ADCY6: variants seen among roughly 807,000 people sequenced by gnomAD.
ADCY6 encodes adenylate cyclase 6.
A neutral mutation model predicts 111.6 loss-of-function variants in ADCY6; 59 were observed. The observed-to-expected ratio is 0.53, with a 90% confidence interval of 0.43 to 0.66. The LOEUF is 0.66. ADCY6 is among the 30% of genes least tolerant of loss of function. The probability of loss-of-function intolerance (pLI) is 0.00; values close to 1 mark genes in which losing one functional copy is unlikely to be tolerated. For synonymous variants in ADCY6, 576 were observed against 642.9 expected, an observed-to-expected ratio of 0.90 and a Z score of 1.57; for missense variants, 1,242 against 1,595.6, an observed-to-expected ratio of 0.78 and a Z score of 3.78.
At position 48,773,538 on chromosome 12, in the gene ADCY6, A is replaced by C; in HGVS notation, c.2552T>G (p.Val851Gly). The part of the protein sequence containing the change: ...MIFVLGLIYL[V>G]LLLLGPPATI... ...GGCTGGGGGACCCAGCAGAAGCAGC[A>C]CCAAATAGATGAGCCCCAAGACAAA... Residue 851 changes from valine to glycine, a missense_variant, in exon 16 of 22, where the codon GTG becomes GGG. Val to Gly is a moderately radical substitution (Grantham distance 109). Transcript: ENST00000357869. The C allele has an allele frequency of 6.2e-7, 1 of 1,614,150 alleles. No homozygotes were observed. The highest frequency in any genetic ancestry group is 8.5e-7 in the Non-Finnish European group (1 of 1,179,998).
chr12:48,786,047 C>A (rs1315028930), intron 1 of ADCY6, among the ~76,000 whole-genome samples: 1 of 152,160 alleles, frequency 6.6e-6, no homozygotes, highest in African/African-American at 2.4e-5. Flanking sequence ...TGTGTCCCCA[C>A]CAGGGCCACA....
In ADCY6 at chr12:48,773,923, G is replaced by A. The variant is rs769662300; in HGVS notation, c.2442+17C>T. ...TGCCAGGACAGCCCCCCCACCGCCT[G>A]AGCACTGCTCGAACACCTCAGGAAA... On this transcript the variant is annotated intron_variant, in intron 15 of 21. Coordinates refer to ENST00000357869, the MANE Select transcript of ADCY6 (RefSeq NM_015270.5). The A allele has an allele frequency of 4.2e-5, 67 of 1,612,858 alleles. No homozygotes were observed. The highest frequency in any genetic ancestry group is 5.1e-5 in the Non-Finnish European group (60 of 1,179,486).
At chr12:48,787,166 C>T (rs1350003066) in intron 1 of ADCY6, among the ~76,000 whole-genome samples, 1 of 152,126 alleles carries the variant, frequency 6.6e-6, no homozygotes, top group Non-Finnish European at 1.5e-5. Flanking sequence ...GAGCAGGTTT[C>T]CCACCACCAT....
upstream of ADCY6, chr12:48,789,213 C>A: frequency 6.6e-6 from 1 of 152,352 alleles, no homozygotes; most frequent in Non-Finnish European, 1.5e-5. Context: ...GCCCACTCCC[C>A]TTCCTAGCAG....
intron 1 of ADCY6, among the ~76,000 whole-genome samples, chr12:48,788,200 C>A (rs991631634): frequency 6.6e-6 from 1 of 152,196 alleles, no homozygotes; most frequent in African/African-American, 2.4e-5. Flanking sequence ...CGCCTTCTCC[C>A]ATCCCCAGTC....
At chr12:48,787,657 C>G (rs1351350463) in intron 1 of ADCY6, among the ~76,000 whole-genome samples, 1 of 152,212 alleles carries the variant, frequency 6.6e-6, no homozygotes, top group Non-Finnish European at 1.5e-5. Context: ...CCTGGGAGCA[C>G]AGACCACCTC....
At position 48,782,736 on chromosome 12, in the gene ADCY6, G is replaced by A. The variant is rs1309583027; in HGVS notation, c.699C>T (p.Arg233=). The change falls in exon 2 of 22, where the codon CGC becomes CGT. Residue 233 remains arginine, a synonymous_variant. Coordinates refer to ENST00000357869, the MANE Select transcript of ADCY6 (RefSeq NM_015270.5). This position sits in a 1 kb window ranked among gnomAD's most constrained non-coding sequence, Gnocchi z 4.3. ...GGCACCAGAGGCCCGCAGAGGGGCT[G>A]CGCGGGTCTGCTGCGAGAGCGCCCC... The part of the protein sequence containing the change: ...QVGGALAADP[R]SPSAGLWCPV... 2 of 1,601,788 alleles carry A rather than the reference G, an allele frequency of 1.2e-6. No individual in the cohort carries two copies. The highest frequency in any genetic ancestry group is 2.2e-5 in the South Asian group (2 of 89,702).
chr12:48,775,644 C>T, intron 10 of ADCY6, 29 bp downstream of exon 10: 8 of 1,607,740 alleles, frequency 5.0e-6, no homozygotes, highest in Non-Finnish European at 6.8e-6. Flanking sequence ...GGTGCAAGTG[C>T]CTTCTCCCTC....
intron 16 of ADCY6, 54 bp downstream of exon 16, chr12:48,773,415 C>G: frequency 6.3e-7 from 1 of 1,577,052 alleles, no homozygotes; most frequent in African/African-American, 1.3e-5. Flanking sequence ...TCACAGTGAC[C>G]TAGAAAGGTG....
chr12:48,775,517 A>G, intron 10 of ADCY6, 67 bp from the exon 11 acceptor site: 1 of 1,600,364 alleles, frequency 6.2e-7, no homozygotes, highest in South Asian at 1.1e-5. Flanking sequence ...ATGAAAGGAA[A>G]GGTATGGACA....
At chr12:48,769,326 T>C (rs924291467) in intron 20 of ADCY6, among the ~76,000 whole-genome samples, 9 of 143,788 alleles carry the variant, frequency 6.3e-5, no homozygotes, top group South Asian at 2.1e-4. Context: ...GGTGGGAGAA[T>C]AGATTGATTG....
In ADCY6 at chr12:48,776,275, C is replaced by A. The variant is rs1941698848; in HGVS notation, c.1611G>T (p.Glu537Asp). ...DYEVEPGRGG[E>D]RNAYLKEQHI... ...GCTGCTCCTTGAGGTACGCGTTGCGCTCGCCACCACGGCCTGGCTCCACCT... is the reference window on the plus strand; with the variant it reads ...GCTGCTCCTTGAGGTACGCGTTGCGATCGCCACCACGGCCTGGCTCCACCT... Residue 537 changes from glutamate (E) to aspartate (D), a missense_variant, in exon 8 of 22, where the codon GAG becomes GAT. Around this residue, in one of 4 missense-constraint regions of ADCY6, gnomAD observed 260 missense variants for 414.6 expected, o/e 0.63. Transcript: ENST00000357869. This position sits in a 1 kb window ranked among gnomAD's most constrained non-coding sequence, Gnocchi z 6.1. 1.9e-6 allele frequency: 3 copies of A among 1,614,128 alleles called. No homozygotes were observed. The highest frequency in any genetic ancestry group is 1.7e-6 in the Non-Finnish European group (2 of 1,180,052).
chr12:48,770,844 C>T lies in ADCY6; in HGVS notation c.3178G>A (p.Ala1060Thr), dbSNP rs1470069908. ...TCCATGAGCCGCATGGCGTAGTCAG[C>T]CAGGGCAGTGATGTGGGAGCGGCCC... ...QVGRSHITAL[A>T]DYAMRLMEQM... Residue 1060 changes from alanine (A) to threonine (T), a missense_variant, in exon 20 of 22, where the codon GCT becomes ACT. By Grantham distance (58) the Ala-to-Thr change is moderately conservative (BLOSUM62 0). Transcript: ENST00000357869. 6.2e-7 allele frequency: 1 copy of T among 1,614,120 alleles called. No individual in the cohort carries two copies. Among genetic ancestry groups the T allele is most frequent in the East Asian group, 2.2e-5 (1 of 44,906 alleles).
At chr12:48,773,186 T>C (rs912015191) in intron 16 of ADCY6, among the ~76,000 whole-genome samples, 9 of 152,068 alleles carry the variant, frequency 5.9e-5, no homozygotes, top group Admixed American at 5.2e-4. Context: ...GTATGTCCTA[T>C]AGGTGGTTAA....
intron 14 of ADCY6, 64 bp from the exon 15 acceptor site, chr12:48,774,162 A>T: frequency 2.7e-6 from 4 of 1,470,250 alleles, no homozygotes; most frequent in Non-Finnish European, 3.7e-6. Context: ...GTACCTGGTG[A>T]AGCCATGTAC....
intron 2 of ADCY6, among the ~76,000 whole-genome samples, chr12:48,781,183 G>C (rs1173332923): frequency 1.3e-5 from 2 of 149,148 alleles, no homozygotes; most frequent in South Asian, 4.2e-4. Flanking sequence ...CCTAACGACA[G>C]AGCAAGACTC....
At chr12:48,789,432 G>C (rs975925076), upstream of ADCY6, 3 of 152,100 alleles carry the variant, frequency 2.0e-5, no homozygotes, top group Non-Finnish European at 2.9e-5. Context: ...CTCACCCCGG[G>C]GGTCCCCGAG....
intron 20 of ADCY6, among the ~76,000 whole-genome samples, chr12:48,769,969 G>T (rs1941488139): frequency 6.6e-6 from 1 of 151,702 alleles, no homozygotes; most frequent in Non-Finnish European, 1.5e-5. Flanking sequence ...CACCGTGTTA[G>T]TCAGGATGGT....
intron 2 of ADCY6, among the ~76,000 whole-genome samples, chr12:48,780,085 G>T (rs752474581): frequency 1.3e-5 from 2 of 152,170 alleles, no homozygotes; most frequent in African/African-American, 4.8e-5. Context: ...AGAAGGGAAG[G>T]GGGGCAAACC....
Sources: allele counts gnomAD v4.1 joint callset (sites outside exome capture counted in the v4.1 genomes callset), GRCh38; gene constraint gnomAD v4.1.1; regional missense constraint gnomAD v4.1.1; non-coding constraint Gnocchi (gnomAD v3.1); transcripts MANE v1.5; gene names NCBI Gene and HGNC (gene_info 2026-07-23, HGNC 2026-07-21).